The following NDEL1 variants were observed in gnomAD, a reference collection of about 807,000 sequenced individuals.
NDEL1 encodes nuclear distribution protein nudE-like 1.
In NDEL1, 9 loss-of-function variants were observed where a neutral mutation model predicts 45.7. The ratio of observed to expected loss-of-function variants is 0.20; its 90% CI spans 0.12 to 0.34. The LOEUF (loss-of-function observed/expected upper bound fraction) is 0.34. Ranked by LOEUF, NDEL1 falls within the 10% of genes least tolerant of loss-of-function variation. The probability of loss-of-function intolerance (pLI) is 1.00; values close to 1 mark genes in which losing one functional copy is unlikely to be tolerated. For synonymous variants in NDEL1, 133 were observed against 158.6 expected, an observed-to-expected ratio of 0.84 and a Z score of 1.21; for missense variants, 306 against 406.2, an observed-to-expected ratio of 0.75 and a Z score of 2.12.
upstream of NDEL1, among the ~76,000 whole-genome samples, chr17:8,435,049 A>G (rs546953551): frequency 9.5e-4 from 144 of 152,090 alleles, no homozygotes; most frequent in African/African-American, 3.0e-3. Context: ...CAGCCTGGGC[A>G]ACAAGAGCGA....
upstream of NDEL1, among the ~76,000 whole-genome samples, chr17:8,431,694 G>T (rs562592535): frequency 2.6e-5 from 4 of 152,214 alleles, no homozygotes; most frequent in East Asian, 5.8e-4. Context: ...TAAAAAATGG[G>T]AATAACACTA....
At chr17:8,455,688 CAAAAA>C (rs34198702) in intron 7 of NDEL1, among the ~76,000 whole-genome samples, 9 of 106,436 alleles carry the variant, frequency 8.5e-5, no homozygotes, top group African/African-American at 1.1e-4. Flanking sequence ...GACTCCATCT[CAAAAA>C]AAAAAAAAAA....
chr17:8,454,720 C>T, intron 6 of NDEL1, 76 bp from the exon 7 acceptor site: 1 of 1,047,286 alleles, frequency 9.5e-7, no homozygotes, highest in Non-Finnish European at 1.5e-6. Flanking sequence ...TGTTACACTA[C>T]TTTGTAACAT....
rs745587089 is a variant in NDEL1 at position 8,467,062 on chromosome 17, A to G, written c.*39A>G. ...AGGTGGGGGCTCCTGCCCTCCTCCAACAACCCAGGACACCCACGCCTCACC... is the reference window on the plus strand; with the variant it reads ...AGGTGGGGGCTCCTGCCCTCCTCCAGCAACCCAGGACACCCACGCCTCACC... On this transcript the variant is annotated 3_prime_UTR_variant, in exon 9 of 9. Transcript: ENST00000334527. This position sits in a 1 kb window ranked among gnomAD's most constrained non-coding sequence, Gnocchi z 6.3. 1.9e-6 allele frequency: 3 copies of G among 1,596,430 alleles called. No individual in the cohort carries two copies. The highest frequency in any genetic ancestry group is 1.1e-5 in the South Asian group (1 of 90,740).
At position 8,418,771 on chromosome 17, in the gene NDEL1, C is replaced by G. The variant is rs573631717; in HGVS notation, c.-13+5502C>G. ...TCCTTCCTTCCTTCCCTCCCTCCCT[C>G]CCTACCTCCCTCCTTTCTTTCTTTT... On this transcript the variant is annotated intron_variant, in intron 1 of 4. Coordinates refer to the NDEL1 transcript ENST00000582812. Among the ~76,000 whole-genome samples the G allele has an allele frequency of 8.4e-4, 121 of 144,512 alleles. 1 individual carries two copies. The highest frequency in any genetic ancestry group is 2.9e-3 in the African/African-American group (116 of 39,808). The allele number at this position is 144,512 out of a possible 152,430, so 94.8% of individuals were successfully genotyped here.
In NDEL1 at chr17:8,444,612, T is replaced by C. The variant is rs187676530; in HGVS notation, c.86+255T>C. 291 of 330,622 alleles carry C rather than the reference T, an allele frequency of 8.8e-4. 1 individual carries two copies. The highest frequency in any genetic ancestry group is 1.4e-3 in the Non-Finnish European group (242 of 178,800). The allele number at this position is 330,622 out of a possible 1,614,324, so 20.5% of individuals were successfully genotyped here. ...GATTTCTTCTGATTGTTACCTGTTC[T>C]ATGCTTTTTAGTAGGCGGGGCCATC... On this transcript the variant is annotated intron_variant, in intron 2 of 8. Coordinates refer to ENST00000334527, the MANE Select transcript of NDEL1 (RefSeq NM_030808.5).
At chr17:8,424,906 C>T (rs1041861655) in intron 1 of NDEL1, among the ~76,000 whole-genome samples, 3 of 152,130 alleles carry the variant, frequency 2.0e-5, no homozygotes, top group Admixed American at 6.5e-5. Flanking sequence ...TGGGCTCAAG[C>T]GGTCCTCTTG....
intron 6 of NDEL1, among the ~76,000 whole-genome samples, chr17:8,451,288 T>C (rs975667826): frequency 6.6e-6 from 1 of 152,242 alleles, no homozygotes; most frequent in Non-Finnish European, 1.5e-5. Flanking sequence ...AATCATGTTA[T>C]CTTACCACTT....
chr17:8,474,280 A>G (rs1912149284), intron 3 of NDEL1: 1 of 152,594 alleles, frequency 6.6e-6, no homozygotes, highest in Non-Finnish European at 1.5e-5. Context: ...TCAAGTAAAC[A>G]GAGCAGGCGC....
rs567127389 is a variant in NDEL1 at position 8,466,956 on chromosome 17, C to G, written c.971C>G (p.Pro324Arg). The G allele has an allele frequency of 1.1e-5, 18 of 1,614,234 alleles. No individual in the cohort carries two copies. The South Asian group carries it at 2.0e-4, about 18-fold the overall frequency. The change falls in exon 9 of 9, where the codon CCT becomes CGT. Residue 324 changes from proline (P) to arginine (R), a missense_variant. Pro to Arg is a moderately radical substitution (Grantham distance 103, BLOSUM62 -2). This residue lies in a region of NDEL1 where 175 missense variants were observed against 205.2 expected (regional missense o/e 0.85). Transcript: ENST00000334527. ...GCAGTAAACGGCTTTGACCCCGCTC[C>G]TCCTCCTCCTGGTCTGGGCTCCTCG... ...KGAVNGFDPA[P>R]PPPGLGSSRP...
rs1910252186 is a variant in NDEL1 at position 8,448,614 on chromosome 17, T to G, written c.454T>G (p.Phe152Val). 3.1e-6 allele frequency: 5 copies of G among 1,614,200 alleles called. No individual in the cohort carries two copies. Among genetic ancestry groups the G allele is most frequent in the Non-Finnish European group, 4.2e-6 (5 of 1,180,014 alleles). ...RLNQAIERNA[F>V]LESELDEKES... ...AAACCAGGCCATTGAACGAAATGCA[T>G]TTTTAGAAAGTGAACTTGATGAAAA... Residue 152 changes from phenylalanine (F) to valine (V), a missense_variant, in exon 5 of 9, where the codon TTT becomes GTT. Transcript: ENST00000334527.
In NDEL1 at chr17:8,467,985, A is replaced by G. The variant is rs1911719394; in HGVS notation, c.*962A>G. On this transcript the variant is annotated 3_prime_UTR_variant, in exon 9 of 9. Transcript: ENST00000334527. This position sits in a 1 kb window ranked among gnomAD's most constrained non-coding sequence, Gnocchi z 6.3. ...GTTTGTAAACATTATTGCCTGAGAT[A>G]TTTGTATATAACTTGGGCTTTGTAG... The G allele has an allele frequency of 6.6e-6, 1 of 152,608 alleles. No individual in the cohort carries two copies. The highest frequency in any genetic ancestry group is 1.5e-5 in the Non-Finnish European group (1 of 68,044). 9.5% of individuals were successfully genotyped at this position (152,608 alleles called of 1,614,324 possible). A position where few individuals can be genotyped will look rare whatever the true frequency, so the allele number is the denominator to read the frequency against.
At chr17:8,422,343 C>G (rs1908724887) in intron 1 of NDEL1, among the ~76,000 whole-genome samples, 1 of 152,100 alleles carries the variant, frequency 6.6e-6, no homozygotes, top group Admixed American at 6.5e-5. Flanking sequence ...GAGTCTCGCT[C>G]TATTGCCCAG....
In NDEL1 at chr17:8,437,314, T is replaced by C. The variant is rs767765647; in HGVS notation, c.-13+1269T>C. ...TGGTTAGAGGTTGACTTGATCCAGA[T>C]AGAAGTTGCTAAATCTTCTGAAGCT... On this transcript the variant is annotated intron_variant, in intron 1 of 8. Transcript: ENST00000334527. 9.3e-4 allele frequency among the ~76,000 whole-genome samples: 142 copies of C among 152,220 alleles called. 4 individuals are homozygous for C. Among genetic ancestry groups the C allele is most frequent in the Non-Finnish European group, 3.1e-4 (21 of 68,030 alleles).
At chr17:8,434,737 A>G (rs1909152036), upstream of NDEL1, among the ~76,000 whole-genome samples, 1 of 151,808 alleles carries the variant, frequency 6.6e-6, no homozygotes, top group South Asian at 2.1e-4. Flanking sequence ...ACACACACAT[A>G]CACGTGTGTG....
At chr17:8,421,340 G>T in intron 1 of NDEL1, among the ~76,000 whole-genome samples, 1 of 152,280 alleles carries the variant, frequency 6.6e-6, no homozygotes, top group Non-Finnish European at 1.5e-5. Flanking sequence ...TTGCAGACAT[G>T]ATTAAATTAA....
chr17:8,438,032 C>T (rs1391404379), intron 1 of NDEL1, among the ~76,000 whole-genome samples: 2 of 151,896 alleles, frequency 1.3e-5, no homozygotes, highest in East Asian at 1.9e-4. Context: ...AATCTCGGCT[C>T]ACTGCAACCT....
intron 2 of NDEL1, chr17:8,444,861 C>T (rs1358043371): frequency 6.6e-6 from 1 of 152,202 alleles, no homozygotes; most frequent in Non-Finnish European, 1.5e-5. Flanking sequence ...AGGCAACAAC[C>T]TTTTAAGCAA....
upstream of NDEL1, chr17:8,435,834 G>A (rs1909276562): frequency 2.2e-6 from 1 of 445,932 alleles, no homozygotes; most frequent in East Asian, 7.6e-5. Context: ...TGCCGCGCAT[G>A]CTCCGAGCCC....
Sources: allele counts gnomAD v4.1 joint callset (sites outside exome capture counted in the v4.1 genomes callset), GRCh38; gene constraint gnomAD v4.1.1; regional missense constraint gnomAD v4.1.1; non-coding constraint Gnocchi (gnomAD v3.1); transcripts MANE v1.5; gene names NCBI Gene and HGNC (gene_info 2026-07-23, HGNC 2026-07-21).